Variants in COL5A2 observed in about 807,000 individuals in gnomAD.
The protein encoded by COL5A2 is collagen alpha-2(V) chain.
A neutral mutation model predicts 208.2 loss-of-function variants in COL5A2; 23 were observed. The observed-to-expected ratio is 0.11, with a 90% CI of 0.08 to 0.16. The LOEUF is 0.16. Ranked by LOEUF, COL5A2 falls within the 10% of genes least tolerant of loss-of-function variation. The probability of loss-of-function intolerance (pLI) is 1.00; values close to 1 mark genes in which losing one functional copy is unlikely to be tolerated. For synonymous variants in COL5A2, 625 were observed against 628.5 expected (o/e 0.99, Z 0.08); for missense variants, 1,590 against 1,956.4 (o/e 0.81, Z 3.53).
chr2:189,171,147 G>A (rs1688566103), intron 1 of COL5A2, among the ~76,000 whole-genome samples: 2 of 152,034 alleles, frequency 1.3e-5, no homozygotes, highest in South Asian at 4.2e-4. Context: ...GTGTGTTGGG[G>A]GTGGCAGCCT....
At chr2:189,162,255 A>C (rs1205030534) in intron 1 of COL5A2, among the ~76,000 whole-genome samples, 1 of 152,220 alleles carries the variant, frequency 6.6e-6, no homozygotes, top group Non-Finnish European at 1.5e-5. Context: ...TTTCTGTATC[A>C]ATCAATAAAG....
At chr2:189,047,261 A>G (rs1484032055) in intron 45 of COL5A2, among the ~76,000 whole-genome samples, 1 of 152,214 alleles carries the variant, frequency 6.6e-6, no homozygotes, top group Non-Finnish European at 1.5e-5. Flanking sequence ...GATTTTCATA[A>G]TTACTTCAGC....
the COL5A2 span, among the ~76,000 whole-genome samples, chr2:189,380,027 T>C: frequency 6.6e-6 from 1 of 151,446 alleles, no homozygotes; most frequent in Admixed American, 6.6e-5. Context: ...TTAAAGGGAG[T>C]GAAATATTTT....
intron 32 of COL5A2, 100 bp from the exon 33 acceptor site, chr2:189,058,627 T>C (rs774266964): frequency 4.5e-5 from 50 of 1,122,302 alleles, no homozygotes; most frequent in Non-Finnish European, 6.3e-5. Context: ...AATTCAGAAA[T>C]GAGACATTAC....
the COL5A2 span, among the ~76,000 whole-genome samples, chr2:189,385,152 GAGAA>G: frequency 3.0e-3 from 456 of 152,116 alleles, 4 homozygotes; most frequent in African/African-American, 0.01. Context: ...AATCAGGCAA[GAGAA>G]AGAAAGAAAA....
chr2:189,311,387 T>G, the COL5A2 span: 42 of 1,000,942 alleles, frequency 4.2e-5, no homozygotes, highest in Non-Finnish European at 6.4e-5. Context: ...AAGATTGAAG[T>G]CCTCACCATC....
At chr2:189,150,877 A>T (rs914566276) in intron 1 of COL5A2, among the ~76,000 whole-genome samples, 1 of 152,166 alleles carries the variant, frequency 6.6e-6, no homozygotes. Context: ...GGTTACTTCC[A>T]GAGACAGAGA....
chr2:189,216,499 T>C (rs892280747), intron 1 of COL5A2, among the ~76,000 whole-genome samples: 4 of 152,062 alleles, frequency 2.6e-5, no homozygotes, highest in Non-Finnish European at 4.4e-5. Flanking sequence ...AAATCTAGTA[T>C]GTAAATTAAA....
At chr2:189,100,520 C>T (rs1055522461) in intron 3 of COL5A2, among the ~76,000 whole-genome samples, 2 of 151,682 alleles carry the variant, frequency 1.3e-5, no homozygotes, top group African/African-American at 4.8e-5. Flanking sequence ...AATTGTAATA[C>T]ATAAAAATTA....
chr2:189,083,834 G>T, intron 12 of COL5A2, 150 bp downstream of exon 12: 1 of 663,594 alleles, frequency 1.5e-6, no homozygotes, highest in Non-Finnish European at 2.7e-6. Flanking sequence ...CTGGCAAAAC[G>T]TCCTGTGACA....
the COL5A2 span, among the ~76,000 whole-genome samples, chr2:189,409,172 C>G: frequency 3.3e-5 from 5 of 149,854 alleles, no homozygotes; most frequent in Non-Finnish European, 7.4e-5. Context: ...CTAGAAAAAG[C>G]CTGACATTTT....
At chr2:189,128,576 T>C (rs1240400057) in intron 1 of COL5A2, among the ~76,000 whole-genome samples, 1 of 151,998 alleles carries the variant, frequency 6.6e-6, no homozygotes, top group Non-Finnish European at 1.5e-5. Context: ...GCTCAGAGAA[T>C]TTTTTAAAAT....
At chr2:189,318,808 T>C in the COL5A2 span, among the ~76,000 whole-genome samples, 1 of 152,188 alleles carries the variant, frequency 6.6e-6, no homozygotes, top group Non-Finnish European at 1.5e-5. Flanking sequence ...CTTGGGGGTG[T>C]CAGTTGCCAC....
intron 1 of COL5A2, among the ~76,000 whole-genome samples, chr2:189,158,982 C>T (rs960118139): frequency 3.3e-5 from 5 of 151,984 alleles, no homozygotes; most frequent in African/African-American, 4.8e-5. Flanking sequence ...TTTGGTGCAC[C>T]GAAGTCACAC....
chr2:189,253,251 T>C, the COL5A2 span, among the ~76,000 whole-genome samples: 1 of 152,194 alleles, frequency 6.6e-6, no homozygotes, highest in Non-Finnish European at 1.5e-5. Context: ...GGTTTAATAG[T>C]TATGTGGTTC....
chr2:189,395,454 T>C, the COL5A2 span, among the ~76,000 whole-genome samples: 23 of 152,192 alleles, frequency 1.5e-4, no homozygotes, highest in African/African-American at 2.4e-4. Flanking sequence ...ATAAGTTCCA[T>C]AGGCCTCCCT....
intron 1 of COL5A2, among the ~76,000 whole-genome samples, chr2:189,130,228 C>T (rs772586438): frequency 3.8e-4 from 58 of 151,958 alleles, no homozygotes; most frequent in Non-Finnish European, 1.0e-4. Flanking sequence ...GTGGTTAGAA[C>T]CTATGAGTAT....
At chr2:189,277,118 T>C in the COL5A2 span, among the ~76,000 whole-genome samples, 21,487 of 152,042 alleles carry the variant, frequency 0.14, 1,937 homozygotes, top group South Asian at 0.2. Context: ...ATAAAAACTA[T>C]ATGTAGAAAT....
chr2:189,433,675 T>C, the COL5A2 span, among the ~76,000 whole-genome samples: 1 of 152,150 alleles, frequency 6.6e-6, no homozygotes, highest in South Asian at 2.1e-4. Flanking sequence ...GGCTCTGAAA[T>C]TGAGGCAATA....
Sources: allele counts gnomAD v4.1 joint callset (sites outside exome capture counted in the v4.1 genomes callset), GRCh38; gene constraint gnomAD v4.1.1; transcripts MANE v1.5; gene names NCBI Gene and HGNC (gene_info 2026-07-23, HGNC 2026-07-21).